The following UMAD1 variants were observed in gnomAD, a reference collection of about 807,000 sequenced individuals.
The protein encoded by UMAD1 is UBAP1-MVB12-associated (UMA) domain containing 1.
In UMAD1, 8 loss-of-function variants were observed where a neutral mutation model predicts 6.1. That is an observed-to-expected ratio of 1.30 (90% CI 0.76 to 2.35). The LOEUF (loss-of-function observed/expected upper bound fraction) is 2.35. UMAD1 is among the 30% of genes most tolerant of loss of function. UMAD1 has a pLI of 0.00. For missense variants in UMAD1, 130 were observed against 78.4 expected, an observed-to-expected ratio of 1.66 and a Z score of -2.49; for synonymous variants, 56 against 31.4, an observed-to-expected ratio of 1.78 and a Z score of -2.61.
rs974135952 is a variant in UMAD1, at chr7:7,877,484, A to G, written c.360A>G (p.Leu120=). Reference sequence around the variant, plus strand: ...TCTCCTATGATGGCAGCGAAAACTTATCACGGTTTTGGTATGATTTCACTC... The same window carrying G: ...TCTCCTATGATGGCAGCGAAAACTTGTCACGGTTTTGGTATGATTTCACTC... ...HLLSYDGSEN[L]SRFWYDFTLE... The change falls in exon 4 of 4, where the codon TTA becomes TTG. Residue 120 remains leucine, a synonymous_variant. Coordinates refer to ENST00000682710, the MANE Select transcript of UMAD1 (RefSeq NM_001302348.2). The G allele has an allele frequency of 1.4e-6, 1 of 717,584 alleles. No homozygotes were observed. Among genetic ancestry groups the G allele is most frequent in the African/African-American group, 1.7e-5 (1 of 57,390 alleles). 44.5% of individuals were successfully genotyped at this position (717,584 alleles called of 1,614,324 possible). A position where few individuals can be genotyped will look rare whatever the true frequency, so the allele number is the denominator to read the frequency against.
intron 2 of UMAD1, among the ~76,000 whole-genome samples, chr7:7,752,209 T>C (rs1291356306): frequency 2.6e-5 from 4 of 151,992 alleles, no homozygotes. Flanking sequence ...TGTAAAAAAA[T>C]AGATTATAAC....
intron 2 of UMAD1, among the ~76,000 whole-genome samples, chr7:7,771,152 A>T (rs974787104): frequency 1.3e-5 from 2 of 151,050 alleles, no homozygotes; most frequent in Admixed American, 1.3e-4. Flanking sequence ...GAACGCTTTG[A>T]GGACAAGGAT....
intron 3 of UMAD1, among the ~76,000 whole-genome samples, chr7:7,819,145 C>T (rs778556922): frequency 6.6e-6 from 1 of 152,130 alleles, no homozygotes; most frequent in African/African-American, 2.4e-5. Context: ...CCACCTTGCC[C>T]GGCCCTCTCC....
rs79813545 is a variant in UMAD1 at position 7,781,206 on chromosome 7, G to C, written c.83-20464G>C. ...ATGAACTAAATTCTTTTATATCTTA[G>C]AATCCTAGAAGCTGAGTTTTCTGTG... is the stretch of plus-strand genomic sequence containing the variant. On this transcript the variant is annotated intron_variant, in intron 2 of 3. Transcript: ENST00000682710. Among the ~76,000 whole-genome samples, 303 of 152,184 alleles carry C rather than the reference G, an allele frequency of 2.0e-3. 1 individual carries two copies. Among genetic ancestry groups the C allele is most frequent in the African/African-American group, 7.0e-3 (290 of 41,522 alleles).
chr7:7,835,462 C>CTTTTT lies in UMAD1; in HGVS notation c.156+33753_156+33757dup, dbSNP rs150411259. On this transcript the variant is annotated intron_variant, in intron 3 of 3. Coordinates refer to ENST00000682710, the MANE Select transcript of UMAD1 (RefSeq NM_001302348.2). ...CATTCATTCACTCATTGAAACAGCA[C>CTTTTT]TTTTTTTTTTTTTTTTTTTTTTTTT... Among the ~76,000 whole-genome samples, 24 of 33,682 alleles carry CTTTTT rather than the reference C, an allele frequency of 7.1e-4. 3 individuals are homozygous for CTTTTT. The highest frequency in any genetic ancestry group is 1.7e-3 in the African/African-American group (17 of 9,824). 22.1% of individuals were successfully genotyped at this position (33,682 alleles called of 152,430 possible). A position where few individuals can be genotyped will look rare whatever the true frequency, so the allele number is the denominator to read the frequency against.
At chr7:7,751,851 T>A (rs1324005153) in intron 2 of UMAD1, among the ~76,000 whole-genome samples, 1 of 152,230 alleles carries the variant, frequency 6.6e-6, no homozygotes, top group Non-Finnish European at 1.5e-5. Context: ...TATTTAAGCA[T>A]AATTAGTTAA....
chr7:7,755,016 A>T (rs1261159899), intron 2 of UMAD1, among the ~76,000 whole-genome samples: 1 of 152,036 alleles, frequency 6.6e-6, no homozygotes, highest in East Asian at 1.9e-4. Flanking sequence ...TTTTAATTTA[A>T]GTGTAAGTGA....
At chr7:7,706,962 G>C (rs1197210633) in intron 2 of UMAD1, among the ~76,000 whole-genome samples, 1 of 152,096 alleles carries the variant, frequency 6.6e-6, no homozygotes, top group Non-Finnish European at 1.5e-5. Flanking sequence ...CTAATGCCAG[G>C]CTTATATTCT....
At chr7:7,685,597 C>G (rs766743949) in intron 2 of UMAD1, among the ~76,000 whole-genome samples, 3 of 152,112 alleles carry the variant, frequency 2.0e-5, no homozygotes, top group Admixed American at 6.5e-5. Context: ...CGTGAGCCAC[C>G]GTGCCCGGCC....
intron 2 of UMAD1, among the ~76,000 whole-genome samples, chr7:7,694,221 T>G (rs28912710): frequency 6.6e-6 from 1 of 152,176 alleles, no homozygotes; most frequent in Admixed American, 6.5e-5. Flanking sequence ...CTTGTACTTA[T>G]TGGTAACTTT....
chr7:7,829,218 T>A (rs921006681), intron 3 of UMAD1, among the ~76,000 whole-genome samples: 4 of 152,228 alleles, frequency 2.6e-5, no homozygotes, highest in African/African-American at 9.6e-5. Flanking sequence ...AGGAAATAGA[T>A]CTTTCCTGAT....
intron 2 of UMAD1, among the ~76,000 whole-genome samples, chr7:7,767,664 G>T (rs1031555789): frequency 6.6e-6 from 1 of 152,148 alleles, no homozygotes; most frequent in Non-Finnish European, 1.5e-5. Context: ...TAACAGTTAG[G>T]GGCCAGGTAC....
chr7:7,874,577 G>A (rs1784383563), intron 3 of UMAD1, among the ~76,000 whole-genome samples: 1 of 152,158 alleles, frequency 6.6e-6, no homozygotes, highest in Admixed American at 6.5e-5. Flanking sequence ...AGCACTTTGG[G>A]AGGCTGAGGA....
Position 7,781,507 on chromosome 7 carries a change from A to T in UMAD1, c.83-20163A>T, listed in dbSNP as rs145942295. Among the ~76,000 whole-genome samples the T allele has an allele frequency of 4.4e-3, 669 of 152,110 alleles. 2 individuals carry two copies. Among genetic ancestry groups the T allele is most frequent in the African/African-American group, 0.015 (608 of 41,550 alleles). ...GTCATATTTATATGTTTATAATCCT[A>T]TCCAGAAATGATTCTCCATTTATTT... On this transcript the variant is annotated intron_variant, in intron 2 of 3. Transcript: ENST00000682710.
At chr7:7,684,266 A>G (rs1217730900) in intron 2 of UMAD1, among the ~76,000 whole-genome samples, 1 of 152,044 alleles carries the variant, frequency 6.6e-6, no homozygotes, top group African/African-American at 2.4e-5. Flanking sequence ...CAGTGGCACA[A>G]TCTTGACTCA....
chr7:7,783,186 C>G (rs1782385732), intron 2 of UMAD1, among the ~76,000 whole-genome samples: 1 of 152,138 alleles, frequency 6.6e-6, no homozygotes. Flanking sequence ...CTGGTTGCAC[C>G]CATCTTGTCT....
At chr7:7,694,180 C>G (rs972441247) in intron 2 of UMAD1, among the ~76,000 whole-genome samples, 15 of 152,182 alleles carry the variant, frequency 9.9e-5, no homozygotes, top group African/African-American at 3.1e-4. Context: ...TTCTTTTTCT[C>G]CTCATGACTA....
intron 2 of UMAD1, among the ~76,000 whole-genome samples, chr7:7,799,388 G>T (rs1239041956): frequency 2.0e-5 from 3 of 152,218 alleles, no homozygotes; most frequent in Admixed American, 6.5e-5. Context: ...GATGTGTTGT[G>T]TGAAGTTAAG....
chr7:7,816,297 C>T (rs527912019), intron 3 of UMAD1, among the ~76,000 whole-genome samples: 6 of 152,308 alleles, frequency 3.9e-5, no homozygotes, highest in African/African-American at 7.2e-5. Flanking sequence ...ATATAAATAA[C>T]GCTGCAGAAA....
Sources: allele counts gnomAD v4.1 joint callset (sites outside exome capture counted in the v4.1 genomes callset), GRCh38; gene constraint gnomAD v4.1.1; transcripts MANE v1.5; gene names NCBI Gene and HGNC (gene_info 2026-07-23, HGNC 2026-07-21).